Variants in ZNF609 observed in about 807,000 individuals in gnomAD.
ZNF609 encodes zinc finger protein 609.
Under a neutral mutation model 109.5 loss-of-function variants are expected in ZNF609, and 11 were observed. The observed-to-expected ratio is 0.10, with a 90% CI of 0.06 to 0.17. The LOEUF (loss-of-function observed/expected upper bound fraction) is 0.17, where lower values mean the gene tolerates loss of function less well. Among genes scored for constraint, ZNF609 ranks in the 10% least tolerant of loss-of-function variants. The pLI, the probability that ZNF609 is intolerant of heterozygous loss-of-function variation, is 1.00. For synonymous variants in ZNF609, 646 were observed against 662.0 expected (o/e 0.98, Z 0.37); for missense variants, 1,559 against 1,772.4 (o/e 0.88, Z 2.16).
chr15:64,634,042 T>A (rs914832428), intron 3 of ZNF609, among the ~76,000 whole-genome samples: 2 of 152,052 alleles, frequency 1.3e-5, no homozygotes, highest in Non-Finnish European at 2.9e-5. Context: ...AGGGGCTAGA[T>A]CTTTAAAATA....
In ZNF609 at chr15:64,568,638, G is replaced by A. The variant is rs75776324; in HGVS notation, c.748-54189G>A. Among the ~76,000 whole-genome samples the A allele has an allele frequency of 2.3e-3, 352 of 152,308 alleles. 13 individuals are homozygous for A. In the East Asian group the frequency reaches 0.054, roughly 24 times the overall value. The stretch of plus-strand genomic sequence containing the variant: ...TATTAATCTTCAGTAAGAGTATTCA[G>A]TGTTTGGATAGGTGCTTGACAGTTT... On this transcript the variant is annotated intron_variant, in intron 2 of 9. Coordinates refer to ENST00000326648, the MANE Select transcript of ZNF609 (RefSeq NM_015042.2).
chr15:64,644,975 C>CTT (rs1567037929), intron 3 of ZNF609, among the ~76,000 whole-genome samples: 1 of 139,196 alleles, frequency 7.2e-6, no homozygotes, highest in East Asian at 1.9e-4. Context: ...TTTCTTCTTT[C>CTT]TTTCTTTTTC....
chr15:64,480,113 C>G (rs1368247686), intron 1 of ZNF609, among the ~76,000 whole-genome samples: 2 of 151,980 alleles, frequency 1.3e-5, no homozygotes, highest in African/African-American at 4.8e-5. Flanking sequence ...TGGCAGGTGC[C>G]TGTAATCCCA....
At chr15:64,641,873 G>C (rs1896264689) in intron 3 of ZNF609, among the ~76,000 whole-genome samples, 1 of 152,154 alleles carries the variant, frequency 6.6e-6, no homozygotes, top group Non-Finnish European at 1.5e-5. Context: ...CTCCTGGATA[G>C]TGTATAGATT....
chr15:64,605,361 A>G (rs1219390106), intron 2 of ZNF609, among the ~76,000 whole-genome samples: 3 of 152,216 alleles, frequency 2.0e-5, no homozygotes, highest in Non-Finnish European at 4.4e-5. Flanking sequence ...TGCTAGAAGA[A>G]GGGAGGGAAA....
At chr15:64,503,571 C>G (rs1314781834) in intron 2 of ZNF609, among the ~76,000 whole-genome samples, 5 of 152,152 alleles carry the variant, frequency 3.3e-5, no homozygotes, top group Admixed American at 1.3e-4. Flanking sequence ...CTGACTTTGT[C>G]AGGGCTTACG....
intron 2 of ZNF609, among the ~76,000 whole-genome samples, chr15:64,593,831 A>T (rs1027866037): frequency 6.6e-6 from 1 of 152,158 alleles, no homozygotes; most frequent in Non-Finnish European, 1.5e-5. Flanking sequence ...ATTCCAGAAC[A>T]TTCTGATGAT....
At chr15:64,556,754 T>C (rs1397630722) in intron 2 of ZNF609, among the ~76,000 whole-genome samples, 1 of 152,224 alleles carries the variant, frequency 6.6e-6, no homozygotes, top group Non-Finnish European at 1.5e-5. Context: ...TTCCGATTTT[T>C]AGCCTCTGTA....
intron 2 of ZNF609, among the ~76,000 whole-genome samples, chr15:64,538,656 C>G (rs1409411399): frequency 6.6e-6 from 1 of 152,084 alleles, no homozygotes; most frequent in African/African-American, 2.4e-5. Context: ...AAGCGATTCT[C>G]TTGCCTCAGC....
At chr15:64,595,451 A>G (rs1165520666) in intron 2 of ZNF609, among the ~76,000 whole-genome samples, 1 of 151,856 alleles carries the variant, frequency 6.6e-6, no homozygotes, top group Non-Finnish European at 1.5e-5. Context: ...CAGAGAAAAC[A>G]CCAAGAGAGG....
chr15:64,473,700 G>C (rs947100739), intron 1 of ZNF609, among the ~76,000 whole-genome samples: 2 of 151,826 alleles, frequency 1.3e-5, no homozygotes, highest in Non-Finnish European at 2.9e-5. Flanking sequence ...CCACCTCCTG[G>C]GTTCAAGCGA....
rs148826974 is a variant in ZNF609 at position 64,572,545 on chromosome 15, T to G, written c.748-50282T>G. Among the ~76,000 whole-genome samples, 7 of 152,288 alleles carry G rather than the reference T, an allele frequency of 4.6e-5. No individual in the cohort carries two copies. In the East Asian group the frequency reaches 1.3e-3, roughly 29 times the overall value. On this transcript the variant is annotated intron_variant, in intron 2 of 9. Coordinates refer to ENST00000326648, the MANE Select transcript of ZNF609 (RefSeq NM_015042.2). Reference sequence around the variant, plus strand: ...CTGAGGACAGGGATGTTTGTCTGATTTGTTCATTGTTATTGCCAGGTCCTC... The same window carrying G: ...CTGAGGACAGGGATGTTTGTCTGATGTGTTCATTGTTATTGCCAGGTCCTC...
intron 3 of ZNF609, among the ~76,000 whole-genome samples, chr15:64,649,851 A>C (rs1896388962): frequency 6.6e-6 from 1 of 152,192 alleles, no homozygotes; most frequent in Non-Finnish European, 1.5e-5. Flanking sequence ...CCTTGAGGCA[A>C]CTACAGTTAT....
At chr15:64,625,928 TATATATATAGAGAGAGAGAGAGAG>T (rs1373492202) in intron 3 of ZNF609, among the ~76,000 whole-genome samples, 1 of 73,622 alleles carries the variant, frequency 1.4e-5, no homozygotes, top group Non-Finnish European at 2.6e-5. Context: ...TATATATATA[TATATATATAGAGAGAGAGAGAGAG>T]AGAGAGAGAG....
intron 2 of ZNF609, among the ~76,000 whole-genome samples, chr15:64,618,981 G>C (rs1389441363): frequency 6.6e-6 from 1 of 152,068 alleles, no homozygotes; most frequent in Non-Finnish European, 1.5e-5. Flanking sequence ...ACAGGCCCCT[G>C]ATGGAGCCCT....
intron 2 of ZNF609, among the ~76,000 whole-genome samples, chr15:64,590,195 G>C (rs1265375818): frequency 6.6e-6 from 1 of 152,042 alleles, no homozygotes; most frequent in Non-Finnish European, 1.5e-5. Context: ...GTTTAAGAAG[G>C]ATTTAAATTG....
intron 1 of ZNF609, among the ~76,000 whole-genome samples, chr15:64,489,048 G>A (rs1893372222): frequency 6.6e-6 from 1 of 152,028 alleles, no homozygotes; most frequent in Non-Finnish European, 1.5e-5. Flanking sequence ...AGACTGCAGT[G>A]AGCTTGTGTT....
intron 3 of ZNF609, among the ~76,000 whole-genome samples, chr15:64,647,500 A>G (rs184053201): frequency 6.4e-4 from 97 of 152,186 alleles, no homozygotes; most frequent in African/African-American, 2.3e-3. Context: ...TTTTTATATT[A>G]TATATTTTTG....
At chr15:64,598,250 G>A (rs1413960459) in intron 2 of ZNF609, among the ~76,000 whole-genome samples, 10 of 152,080 alleles carry the variant, frequency 6.6e-5, no homozygotes, top group Admixed American at 4.6e-4. Flanking sequence ...AAATACCTGG[G>A]ATTACAGGTA....
Sources: allele counts gnomAD v4.1 joint callset (sites outside exome capture counted in the v4.1 genomes callset), GRCh38; gene constraint gnomAD v4.1.1; transcripts MANE v1.5; gene names NCBI Gene and HGNC (gene_info 2026-07-23, HGNC 2026-07-21).